Variants in MKLN1 observed in about 807,000 individuals in gnomAD.
MKLN1 encodes the protein muskelin.
A neutral mutation model predicts 99.0 loss-of-function variants in MKLN1; 18 were observed. That is an observed-to-expected ratio of 0.18 (90% CI 0.13 to 0.27). The LOEUF (loss-of-function observed/expected upper bound fraction) is 0.27, where lower values mean the gene tolerates loss of function less well. Ranked by LOEUF, MKLN1 falls within the 10% of genes least tolerant of loss-of-function variation. The pLI, the probability that MKLN1 is intolerant of heterozygous loss-of-function variation, is 1.00. For missense variants in MKLN1, 621 were observed against 875.9 expected (o/e 0.71, Z 3.67); for synonymous variants, 288 against 293.2 (o/e 0.98, Z 0.18).
intron 17 of MKLN1, among the ~76,000 whole-genome samples, chr7:131,486,509 T>A (rs1252631901): frequency 6.6e-6 from 1 of 152,128 alleles, no homozygotes; most frequent in Non-Finnish European, 1.5e-5. Context: ...CTTGGCAATG[T>A]TATGGTCTAT....
chr7:131,485,385 A>G (rs1260605977), intron 17 of MKLN1, among the ~76,000 whole-genome samples: 1 of 152,138 alleles, frequency 6.6e-6, no homozygotes, highest in African/African-American at 2.4e-5. Context: ...AAGGAGTCAT[A>G]GAGTCAGAAA....
intron 9 of MKLN1, among the ~76,000 whole-genome samples, chr7:131,433,224 G>A (rs1252251610): frequency 6.6e-6 from 1 of 152,126 alleles, no homozygotes; most frequent in African/African-American, 2.4e-5. Context: ...AAAGAGTACA[G>A]GGCAGTTGTT....
At chr7:131,401,370 T>C (rs1171596648) in intron 6 of MKLN1, among the ~76,000 whole-genome samples, 2 of 152,190 alleles carry the variant, frequency 1.3e-5, no homozygotes, top group African/African-American at 4.8e-5. Flanking sequence ...CCAGTGATGA[T>C]AGGCAAAAGT....
intron 1 of MKLN1, among the ~76,000 whole-genome samples, chr7:131,373,940 T>C (rs1430990126): frequency 6.6e-6 from 1 of 152,156 alleles, no homozygotes; most frequent in East Asian, 1.9e-4. Context: ...TTTTATTATA[T>C]TGAGAGTTTG....
intron 3 of MKLN1, among the ~76,000 whole-genome samples, chr7:131,240,459 G>A (rs6971279): frequency 0.19 from 28,147 of 151,856 alleles, 3,515 homozygotes; most frequent in African/African-American, 0.35. Flanking sequence ...TCATGCAAAC[G>A]TTTAAAAATT....
chr7:131,175,030 AGATGGATG>A (rs66786066), intron 2 of MKLN1, among the ~76,000 whole-genome samples: 52,407 of 148,098 alleles, frequency 0.35, 10,216 homozygotes, highest in Non-Finnish European at 0.45. Flanking sequence ...ATAGATAGGC[AGATGGATG>A]GATGGATGGA....
chr7:131,341,611 C>G (rs1237990954), intron 1 of MKLN1, among the ~76,000 whole-genome samples: 1 of 152,116 alleles, frequency 6.6e-6, no homozygotes, highest in Non-Finnish European at 1.5e-5. Context: ...TTTTTGGCAC[C>G]AAGGACTGAC....
chr7:131,288,615 G>A (rs1252888607), intron 3 of MKLN1, among the ~76,000 whole-genome samples: 1 of 152,110 alleles, frequency 6.6e-6, no homozygotes, highest in Non-Finnish European at 1.5e-5. Flanking sequence ...CCACACTCTG[G>A]CAACGAGGAG....
At chr7:131,267,269 G>A (rs985355088) in intron 3 of MKLN1, among the ~76,000 whole-genome samples, 2 of 152,000 alleles carry the variant, frequency 1.3e-5, no homozygotes, top group Admixed American at 1.3e-4. Flanking sequence ...AAGGATGGAG[G>A]TTGCGTGAGC....
chr7:131,431,459 TTGTCTAGGAGTCAGCTATC>T (rs1193641349), intron 9 of MKLN1, among the ~76,000 whole-genome samples: 2 of 152,146 alleles, frequency 1.3e-5, no homozygotes, highest in African/African-American at 2.4e-5. Context: ...GCTCATTCAT[TTGTCTAGGAGTCAGCTATC>T]TGTCAGCTGG....
At chr7:131,389,162 C>G (rs1794120752) in intron 4 of MKLN1, among the ~76,000 whole-genome samples, 190 bp downstream of exon 4, 1 of 152,062 alleles carries the variant, frequency 6.6e-6, no homozygotes, top group Non-Finnish European at 1.5e-5. Context: ...TGAGTAGTTG[C>G]AAGAGACCAC....
chr7:131,340,908 G>A (rs1799389465), intron 1 of MKLN1, among the ~76,000 whole-genome samples: 1 of 151,934 alleles, frequency 6.6e-6, no homozygotes, highest in Non-Finnish European at 1.5e-5. Flanking sequence ...TAGGGTGGAG[G>A]TATTATATTT....
intron 2 of MKLN1, among the ~76,000 whole-genome samples, chr7:131,187,287 G>A (rs1200726028): frequency 6.6e-6 from 1 of 150,740 alleles, no homozygotes; most frequent in Non-Finnish European, 1.5e-5. Flanking sequence ...GCCTCTTCTT[G>A]TCCTCTGCTA....
At chr7:131,479,654 A>T (rs1329100831) in intron 17 of MKLN1, among the ~76,000 whole-genome samples, 1 of 151,756 alleles carries the variant, frequency 6.6e-6, no homozygotes, top group Non-Finnish European at 1.5e-5. Context: ...GTGAAACCCC[A>T]TCTCTACTAA....
rs1018029577 is a variant in MKLN1 at position 131,494,078 on chromosome 7, A to C, written c.*6350A>C. 1 of 152,180 alleles carries C rather than the reference A, an allele frequency of 6.6e-6. No homozygotes were observed. The highest frequency in any genetic ancestry group is 1.5e-5 in the Non-Finnish European group (1 of 68,028). The allele number at this position is 152,180 out of a possible 1,614,324, so 9.4% of individuals were successfully genotyped here. A position where few individuals can be genotyped will look rare whatever the true frequency, so the allele number is the denominator to read the frequency against. ...TTCTAGCCCTTTAACATAGGAGGAA[A>C]ATTGTCATTTCATGTATAACTTGTA... On this transcript the variant is annotated 3_prime_UTR_variant, in exon 18 of 18. Coordinates refer to ENST00000352689, the MANE Select transcript of MKLN1 (RefSeq NM_013255.5).
intron 16 of MKLN1, among the ~76,000 whole-genome samples, chr7:131,474,234 G>A (rs1268375907): frequency 6.6e-6 from 1 of 152,068 alleles, no homozygotes. Flanking sequence ...AGAATTTTAT[G>A]ATAGATTAGA....
chr7:131,113,516 A>C (rs915668528), intron 1 of MKLN1, among the ~76,000 whole-genome samples: 1 of 152,126 alleles, frequency 6.6e-6, no homozygotes, highest in Non-Finnish European at 1.5e-5. Context: ...AACTGATCAA[A>C]TGTTCATTTT....
At chr7:131,334,020 A>G (rs1563297882) in intron 1 of MKLN1, among the ~76,000 whole-genome samples, 1 of 152,250 alleles carries the variant, frequency 6.6e-6, no homozygotes, top group Non-Finnish European at 1.5e-5. Context: ...GGATGCTTAT[A>G]TAATTCAAAA....
chr7:131,398,054 T>G (rs982664263), intron 5 of MKLN1, among the ~76,000 whole-genome samples: 1 of 152,190 alleles, frequency 6.6e-6, no homozygotes, highest in African/African-American at 2.4e-5. Flanking sequence ...AAGTCAGCTA[T>G]CAACTGATTT....
Sources: allele counts gnomAD v4.1 joint callset (sites outside exome capture counted in the v4.1 genomes callset), GRCh38; gene constraint gnomAD v4.1.1; transcripts MANE v1.5; gene names NCBI Gene and HGNC (gene_info 2026-07-23, HGNC 2026-07-21).